SGO1: variants seen among roughly 807,000 people sequenced by gnomAD.
SGO1 encodes the protein shugoshin 1.
In SGO1, 39 loss-of-function variants were observed where a neutral mutation model predicts 50.5. The observed-to-expected ratio is 0.77, with a 90% CI of 0.60 to 1.01. The LOEUF (loss-of-function observed/expected upper bound fraction) is 1.01, where lower values mean the gene tolerates loss of function less well. Ranked by LOEUF, SGO1 falls within the 50% of genes least tolerant of loss-of-function variation. The probability of loss-of-function intolerance (pLI) is 0.00; values close to 1 mark genes in which losing one functional copy is unlikely to be tolerated. For synonymous variants in SGO1, 191 were observed against 205.1 expected (o/e 0.93, Z 0.59); for missense variants, 638 against 606.0 (o/e 1.05, Z -0.55).
Position 20,170,262 on chromosome 3 carries a change from G to T in SGO1, c.*442C>A. 2.3e-6 allele frequency: 1 copy of T among 429,008 alleles called. No individual in the cohort carries two copies. The highest frequency in any genetic ancestry group is 3.1e-6 in the Non-Finnish European group (1 of 321,652). 26.6% of individuals were successfully genotyped at this position (429,008 alleles called of 1,614,324 possible). ...AAAAATACAAAATTAGCCGGGCGTA[G>T]TGGCACATGCCTGTAGTCCCAGCTA... is the stretch of plus-strand genomic sequence containing the variant. On this transcript the variant is annotated 3_prime_UTR_variant, in exon 8 of 8. Transcript: ENST00000412997.
rs1414643573 is a variant in SGO1, at chr3:20,183,741, T to C, written c.206A>G (p.Glu69Gly). Residue 69 changes from glutamate (E) to glycine (G), a missense_variant, in exon 3 of 8, where the codon GAA (glutamate) becomes GGA (glycine). Coordinates refer to ENST00000412997, the MANE Select transcript of SGO1 (RefSeq NM_001199251.3). ...TTCTTTCACTTTGGATTTTTCATTT[T>C]CCAAAGCTAAAACTAACATTTTGTT... ...DNNKMLVLAL[E>G]NEKSKVKEAQ... is the part of the protein sequence containing the mutation. 1 of 1,613,472 alleles carries C rather than the reference T, an allele frequency of 6.2e-7. No individual in the cohort carries two copies. Among genetic ancestry groups the C allele is most frequent in the East Asian group, 2.2e-5 (1 of 44,826 alleles).
At position 20,184,053 on chromosome 3, in the gene SGO1, T is replaced by C; in HGVS notation, c.-7-19A>G. 1.9e-6 allele frequency: 3 copies of C among 1,541,858 alleles called. No individual in the cohort carries two copies. In the South Asian group the frequency reaches 3.7e-5, roughly 19 times the overall value. ...CTTTTGCCTAAACAATAAAAAATATTTTTTCTCAGAGAGAATATTATCAAA... is the reference window on the plus strand; with the variant it reads ...CTTTTGCCTAAACAATAAAAAATATCTTTTCTCAGAGAGAATATTATCAAA... On this transcript the variant is annotated intron_variant, in intron 1 of 7. Coordinates refer to ENST00000412997, the MANE Select transcript of SGO1 (RefSeq NM_001199251.3).
intron 3 of SGO1, among the ~76,000 whole-genome samples, chr3:20,180,428 A>G (rs1384843572): frequency 3.3e-5 from 5 of 152,216 alleles, no homozygotes; most frequent in Admixed American, 3.3e-4. Context: ...AGGTTTCATT[A>G]CTTTTTCTCT....
intron 1 of SGO1, among the ~76,000 whole-genome samples, chr3:20,184,719 C>G (rs1002789811): frequency 3.9e-5 from 6 of 152,162 alleles, no homozygotes; most frequent in African/African-American, 1.4e-4. Context: ...AAAGTTAGGG[C>G]TGTTAACTCC....
At chr3:20,164,946 T>C (rs991078035), downstream of SGO1, among the ~76,000 whole-genome samples, 2 of 152,016 alleles carry the variant, frequency 1.3e-5, no homozygotes, top group African/African-American at 4.8e-5. Context: ...GAGGGCAAAA[T>C]TGAATTCATT....
Position 20,174,630 on chromosome 3 carries a change from T to C in SGO1, c.901A>G (p.Arg301Gly). The change falls in exon 6 of 8, where the codon AGA becomes GGA. Residue 301 changes from arginine (R) to glycine (G), a missense_variant. Coordinates refer to ENST00000412997, the MANE Select transcript of SGO1 (RefSeq NM_001199251.3). ...KREEKRKANR[R>G]KSKRMSKYKE... ...TATTTTGACATACGTTTTGATTTTC[T>C]CCTGTTAGCTTTTCTTTTCTCTTCT... 6.2e-7 allele frequency: 1 copy of C among 1,601,352 alleles called. No homozygotes were observed. The highest frequency in any genetic ancestry group is 8.5e-7 in the Non-Finnish European group (1 of 1,174,746).
upstream of SGO1, chr3:20,186,375 C>T (rs1008271680): frequency 1.3e-5 from 2 of 152,308 alleles, no homozygotes; most frequent in Non-Finnish European, 2.9e-5. Context: ...GGGGCGGAGC[C>T]TGCGGTCGGG....
chr3:20,171,457 G>A (rs753057020), intron 6 of SGO1, among the ~76,000 whole-genome samples: 2 of 152,078 alleles, frequency 1.3e-5, no homozygotes, highest in Non-Finnish European at 2.9e-5. Context: ...TCCCACTTCA[G>A]TCTTCCAAGT....
chr3:20,174,295 T>C lies in SGO1; in HGVS notation c.1236A>G (p.Thr412=). ...RPLAKRALKY[T]DEKETEGSKP... is the part of the protein sequence containing the mutation. ...TAGAACCCTCCGTCTCTTTTTCATC[T>C]GTGTATTTCAGTGCTCTTTTAGCTA... Residue 412 remains threonine (T), a synonymous_variant, in exon 6 of 8, where the codon ACA becomes ACG. Coordinates refer to ENST00000412997, the MANE Select transcript of SGO1 (RefSeq NM_001199251.3). The C allele has an allele frequency of 6.2e-7, 1 of 1,614,206 alleles. No homozygotes were observed. The highest frequency in any genetic ancestry group is 8.5e-7 in the Non-Finnish European group (1 of 1,180,018).
Position 20,175,049 on chromosome 3 carries a change from A to T in SGO1, c.482T>A (p.Ile161Lys), listed in dbSNP as rs1334166412. 1 of 1,480,574 alleles carries T rather than the reference A, an allele frequency of 6.8e-7. No individual in the cohort carries two copies. Among genetic ancestry groups the T allele is most frequent in the Non-Finnish European group, 9.0e-7 (1 of 1,112,466 alleles). The allele number at this position is 1,480,574 out of a possible 1,614,324, so 91.7% of individuals were successfully genotyped here. ...QGESFQIEDQ[I>K]PTIPQDTLGV... ...CAGTGTGTCTTGAGGAATAGTAGGT[A>T]TCTGATCTGAGAATTTAAAAAATAA... Residue 161 changes from isoleucine (I) to lysine (K), a missense_variant, in exon 6 of 8, where the codon ATA becomes AAA. Coordinates refer to ENST00000412997, the MANE Select transcript of SGO1 (RefSeq NM_001199251.3).
chr3:20,173,985 G>A (rs930710848), intron 6 of SGO1, among the ~76,000 whole-genome samples: 2 of 152,158 alleles, frequency 1.3e-5, no homozygotes, highest in Non-Finnish European at 2.9e-5. Flanking sequence ...AAGTCCCTCT[G>A]TCCCCTTGGG....
At chr3:20,162,751 CAAATA>C (rs1700102866) in intron 8 of SGO1, among the ~76,000 whole-genome samples, 2 of 147,354 alleles carry the variant, frequency 1.4e-5, no homozygotes, top group African/African-American at 5.0e-5. Context: ...AATAAAGAGA[CAAATA>C]AAATATATAT....
At chr3:20,173,482 C>G (rs560822130) in intron 6 of SGO1, among the ~76,000 whole-genome samples, 1 of 152,182 alleles carries the variant, frequency 6.6e-6, no homozygotes, top group Non-Finnish European at 1.5e-5. Context: ...CTACCACTGA[C>G]TAACTGGCCG....
At chr3:20,169,131 T>C, downstream of SGO1, 8 of 985,354 alleles carry the variant, frequency 8.1e-6, no homozygotes, top group Non-Finnish European at 9.6e-6. Flanking sequence ...GAAAAGGATT[T>C]TGGCTCTGAC....
Position 20,170,259 on chromosome 3 carries a change from G to A in SGO1, c.*445C>T, listed in dbSNP as rs1575191000. On this transcript the variant is annotated 3_prime_UTR_variant, in exon 8 of 8. Coordinates refer to ENST00000412997, the MANE Select transcript of SGO1 (RefSeq NM_001199251.3). ...ACTAAAAATACAAAATTAGCCGGGC[G>A]TAGTGGCACATGCCTGTAGTCCCAG... 1.4e-5 allele frequency: 6 copies of A among 435,920 alleles called. No individual in the cohort carries two copies. Among genetic ancestry groups the A allele is most frequent in the Non-Finnish European group, 1.8e-5 (6 of 328,224 alleles). 27.0% of individuals were successfully genotyped at this position (435,920 alleles called of 1,614,324 possible). A position where few individuals can be genotyped will look rare whatever the true frequency, so the allele number is the denominator to read the frequency against.
intron 1 of SGO1, among the ~76,000 whole-genome samples, chr3:20,184,837 AG>A (rs58466926): frequency 0.35 from 53,881 of 152,036 alleles, 12,250 homozygotes; most frequent in East Asian, 0.73. Flanking sequence ...GTTGCAAATC[AG>A]GTAGGCTTTA....
At chr3:20,169,007 A>G, downstream of SGO1, 2 of 985,042 alleles carry the variant, frequency 2.0e-6, no homozygotes, top group Non-Finnish European at 2.4e-6. Context: ...ATGAAATTAA[A>G]GAATAAGTAT....
rs1700554190 is a variant in SGO1, at chr3:20,170,055, A to G, written c.*649T>C. The G allele has an allele frequency of 2.0e-6, 2 of 985,030 alleles. No homozygotes were observed. The highest frequency in any genetic ancestry group is 6.1e-5 in the Admixed American group (1 of 16,272). The allele number at this position is 985,030 out of a possible 1,614,324, so 61.0% of individuals were successfully genotyped here. A position where few individuals can be genotyped will look rare whatever the true frequency, so the allele number is the denominator to read the frequency against. On this transcript the variant is annotated 3_prime_UTR_variant, in exon 8 of 8. Coordinates refer to ENST00000412997, the MANE Select transcript of SGO1 (RefSeq NM_001199251.3). ...GGAAAAATAGAGATGCCAGAAGCTT[A>G]TAATTAAAAGATCTTATTTGAGTAA...
chr3:20,175,713 G>A (rs926045201), intron 5 of SGO1, among the ~76,000 whole-genome samples: 2 of 151,820 alleles, frequency 1.3e-5, no homozygotes, highest in African/African-American at 2.4e-5. Context: ...GCAGGAGAAT[G>A]GCGTGAACCC....
Sources: allele counts gnomAD v4.1 joint callset (sites outside exome capture counted in the v4.1 genomes callset), GRCh38; gene constraint gnomAD v4.1.1; transcripts MANE v1.5; gene names NCBI Gene and HGNC (gene_info 2026-07-23, HGNC 2026-07-21).